The following PTPRT variants were observed in gnomAD, a reference collection of about 807,000 sequenced individuals.
PTPRT encodes receptor-type tyrosine-protein phosphatase T.
A neutral mutation model predicts 176.8 loss-of-function variants in PTPRT; 56 were observed. The ratio of observed to expected loss-of-function variants is 0.32; its 90% CI spans 0.26 to 0.40. The LOEUF (loss-of-function observed/expected upper bound fraction) is 0.40, where lower values mean the gene tolerates loss of function less well. Ranked by LOEUF, PTPRT falls within the 10% of genes least tolerant of loss-of-function variation. The pLI is 1.00. For synonymous variants in PTPRT, 783 were observed against 739.0 expected (o/e 1.06, Z -0.96); for missense variants, 1,540 against 1,908.2 (o/e 0.81, Z 3.60).
chr20:42,198,309 A>C (rs1441563627), intron 16 of PTPRT, among the ~76,000 whole-genome samples: 1 of 152,136 alleles, frequency 6.6e-6, no homozygotes, highest in Non-Finnish European at 1.5e-5. Context: ...GAAGGGGATA[A>C]ATTTTTTCTT....
intron 9 of PTPRT, among the ~76,000 whole-genome samples, chr20:42,355,289 AAC>A (rs577081212): frequency 1.5e-4 from 23 of 152,182 alleles, no homozygotes; most frequent in Admixed American, 8.5e-4. Context: ...CTGGTTTGAA[AAC>A]ACAGTGATGA....
intron 10 of PTPRT, among the ~76,000 whole-genome samples, chr20:42,351,171 G>A (rs576754152): frequency 2.7e-4 from 40 of 150,828 alleles, no homozygotes; most frequent in African/African-American, 8.3e-4. Context: ...ATAGGAATGC[G>A]ACTATATCTA....
At chr20:42,352,347 G>A (rs6065464) in intron 9 of PTPRT, 62 bp from the exon 10 acceptor site, 256,220 of 1,563,304 alleles carry the variant, frequency 0.16, 22,760 homozygotes, top group South Asian at 0.2. Flanking sequence ...GCTGGATGGA[G>A]CTCCTTTAGA....
At chr20:42,724,365 C>G (rs2076346767) in intron 6 of PTPRT, among the ~76,000 whole-genome samples, 1 of 152,200 alleles carries the variant, frequency 6.6e-6, no homozygotes, top group Non-Finnish European at 1.5e-5. Flanking sequence ...TCTCTCAGCC[C>G]TCTTACCCTC....
chr20:42,663,535 G>A (rs1354533567), intron 7 of PTPRT, among the ~76,000 whole-genome samples: 1 of 152,130 alleles, frequency 6.6e-6, no homozygotes, highest in East Asian at 1.9e-4. Flanking sequence ...TTTGACTGAT[G>A]TTCTAGAATC....
chr20:42,998,139 A>T (rs1984332611), intron 1 of PTPRT, among the ~76,000 whole-genome samples: 1 of 152,228 alleles, frequency 6.6e-6, no homozygotes, highest in Admixed American at 6.5e-5. Context: ...TAAAATATGC[A>T]AACATTAACC....
chr20:42,249,252 C>T (rs1171022695), intron 13 of PTPRT, among the ~76,000 whole-genome samples: 1 of 152,080 alleles, frequency 6.6e-6, no homozygotes, highest in Non-Finnish European at 1.5e-5. Context: ...TGGGGCAACA[C>T]AATTTAAATA....
intron 2 of PTPRT, among the ~76,000 whole-genome samples, chr20:42,862,170 G>T (rs2078673903): frequency 6.6e-6 from 1 of 152,118 alleles, no homozygotes; most frequent in Non-Finnish European, 1.5e-5. Context: ...GTACATCTCA[G>T]TTTGAACTGG....
At chr20:42,672,188 G>A (rs2146042081) in intron 7 of PTPRT, among the ~76,000 whole-genome samples, 1 of 152,344 alleles carries the variant, frequency 6.6e-6, no homozygotes, top group South Asian at 2.1e-4. Context: ...AGTGGACTGG[G>A]AAAGGCAGAC....
chr20:42,242,831 G>A (rs2056379764), intron 14 of PTPRT, among the ~76,000 whole-genome samples: 1 of 152,098 alleles, frequency 6.6e-6, no homozygotes, highest in African/African-American at 2.4e-5. Context: ...ATGAACCATG[G>A]CTATGGAGAA....
At chr20:42,789,154 G>A (rs1395203039) in intron 3 of PTPRT, among the ~76,000 whole-genome samples, 4 of 152,172 alleles carry the variant, frequency 2.6e-5, no homozygotes, top group African/African-American at 9.7e-5. Flanking sequence ...GAGACTTACT[G>A]TAAGTGTAAA....
In PTPRT at chr20:42,569,047, C is replaced by CAAAAAAAAA. The variant is rs869193461; in HGVS notation, c.1154-96494_1154-96486dup. 2.0e-4 allele frequency among the ~76,000 whole-genome samples: 4 copies of CAAAAAAAAA among 20,446 alleles called. 1 individual carries two copies. Among genetic ancestry groups the CAAAAAAAAA allele is most frequent in the South Asian group, 0.013 (2 of 154 alleles). 13.4% of individuals were successfully genotyped at this position (20,446 alleles called of 152,430 possible). On this transcript the variant is annotated intron_variant, in intron 7 of 30. Coordinates refer to ENST00000373187, the MANE Select transcript of PTPRT (RefSeq NM_007050.6). ...TGGGCGACAGAGCAAGACTCCATCT[C>CAAAAAAAAA]AAAAAAAAAAAAAAAAAAAAAAAAA...
intron 1 of PTPRT, among the ~76,000 whole-genome samples, chr20:43,076,227 T>C (rs547007726): frequency 9.1e-4 from 138 of 152,312 alleles, no homozygotes; most frequent in Middle Eastern, 6.8e-3. Flanking sequence ...CAGCAAAATC[T>C]CTACCTTCCC....
chr20:42,100,306 T>C (rs756195278), intron 26 of PTPRT, among the ~76,000 whole-genome samples: 3 of 152,232 alleles, frequency 2.0e-5, no homozygotes, highest in Non-Finnish European at 2.9e-5. Flanking sequence ...ATCCATTTCA[T>C]GGATAACATC....
At chr20:43,151,976 A>G (rs1600752359) in intron 1 of PTPRT, among the ~76,000 whole-genome samples, 1 of 152,244 alleles carries the variant, frequency 6.6e-6, no homozygotes, top group Non-Finnish European at 1.5e-5. Context: ...CTCCTGATAA[A>G]GCCATCTATA....
chr20:42,923,018 T>C (rs1295660623), intron 1 of PTPRT, among the ~76,000 whole-genome samples: 1 of 152,122 alleles, frequency 6.6e-6, no homozygotes, highest in Non-Finnish European at 1.5e-5. Context: ...AATGGTCTTA[T>C]AGCCCATCTT....
intron 9 of PTPRT, among the ~76,000 whole-genome samples, chr20:42,430,232 T>C (rs1284377776): frequency 6.6e-6 from 1 of 152,084 alleles, no homozygotes; most frequent in East Asian, 1.9e-4. Flanking sequence ...GGTGAGGAAA[T>C]CCTGACGTAG....
intron 16 of PTPRT, 126 bp downstream of exon 16, chr20:42,199,114 C>G (rs1991345969): frequency 8.8e-7 from 1 of 1,134,070 alleles, no homozygotes. Context: ...TCATCCCAGT[C>G]CATATCAGGC....
At chr20:42,206,829 T>G (rs1349655434) in intron 15 of PTPRT, among the ~76,000 whole-genome samples, 1 of 152,236 alleles carries the variant, frequency 6.6e-6, no homozygotes, top group East Asian at 1.9e-4. Context: ...AGGCTCCACC[T>G]CTGGGGGCAG....
Sources: allele counts gnomAD v4.1 joint callset (sites outside exome capture counted in the v4.1 genomes callset), GRCh38; gene constraint gnomAD v4.1.1; transcripts MANE v1.5; gene names NCBI Gene and HGNC (gene_info 2026-07-23, HGNC 2026-07-21).